Variants in RAB1A observed in about 807,000 individuals in gnomAD.
The protein encoded by RAB1A is RAB1A, member RAS oncogene family, also known as ras-related protein Rab-1A.
Under a neutral mutation model 26.0 loss-of-function variants are expected in RAB1A, and 2 were observed. The observed-to-expected ratio is 0.08, with a 90% CI of 0.03 to 0.24. The LOEUF (loss-of-function observed/expected upper bound fraction) is 0.24, where lower values mean the gene tolerates loss of function less well. Among genes scored for constraint, RAB1A ranks in the 10% least tolerant of loss-of-function variants. The pLI, the probability that RAB1A is intolerant of heterozygous loss-of-function variation, is 1.00. For missense variants in RAB1A, 100 were observed against 247.0 expected, an observed-to-expected ratio of 0.40 and a Z score of 3.99; for synonymous variants, 84 against 84.9, an observed-to-expected ratio of 0.99 and a Z score of 0.06.
chr2:65,128,695 G>A (rs1375312965), intron 1 of RAB1A, among the ~76,000 whole-genome samples: 1 of 152,194 alleles, frequency 6.6e-6, no homozygotes, highest in Non-Finnish European at 1.5e-5. Flanking sequence ...ATGTCTAGCA[G>A]TAATTGACCA....
intron 1 of RAB1A, among the ~76,000 whole-genome samples, chr2:65,126,806 T>C (rs773856670): frequency 6.6e-6 from 1 of 152,242 alleles, no homozygotes; most frequent in Non-Finnish European, 1.5e-5. Context: ...AATGAGCTTG[T>C]ATTTGCGTGA....
At chr2:65,102,642 AAATGTCCAGGTGC>A (rs1394145574) in intron 2 of RAB1A, among the ~76,000 whole-genome samples, 1 of 151,710 alleles carries the variant, frequency 6.6e-6, no homozygotes, top group Non-Finnish European at 1.5e-5. Flanking sequence ...AAAAAAAAAA[AAATGTCCAGGTGC>A]AGTAGTTCAC....
intron 1 of RAB1A, among the ~76,000 whole-genome samples, chr2:65,117,390 G>T (rs940521499): frequency 2.6e-5 from 4 of 151,882 alleles, no homozygotes; most frequent in African/African-American, 9.7e-5. Flanking sequence ...GCAGAAAGGG[G>T]ATCTTACTAG....
intron 3 of RAB1A, among the ~76,000 whole-genome samples, chr2:65,094,264 C>G (rs546233474): frequency 2.0e-4 from 30 of 152,212 alleles, no homozygotes; most frequent in African/African-American, 7.2e-4. Flanking sequence ...ACAACTGCAC[C>G]TGGCCAAGGC....
intron 1 of RAB1A, among the ~76,000 whole-genome samples, chr2:65,124,063 G>A (rs1415080483): frequency 3.3e-5 from 5 of 150,854 alleles, no homozygotes; most frequent in East Asian, 2.0e-4. Flanking sequence ...CTTGGCTCAC[G>A]GCAACCTCTT....
intron 3 of RAB1A, among the ~76,000 whole-genome samples, chr2:65,096,946 T>C (rs568723808): frequency 1.3e-5 from 2 of 152,342 alleles, no homozygotes; most frequent in African/African-American, 4.8e-5. Flanking sequence ...AACTAGCTTA[T>C]AAATTAGTAA....
At chr2:65,116,118 C>T (rs1268571549) in intron 1 of RAB1A, among the ~76,000 whole-genome samples, 1 of 152,002 alleles carries the variant, frequency 6.6e-6, no homozygotes, top group East Asian at 1.9e-4. Context: ...TATCACGCCA[C>T]TGCACTCCAG....
At chr2:65,091,212 T>C (rs1248400597) in intron 3 of RAB1A, 134 bp from the exon 4 acceptor site, 5 of 634,842 alleles carry the variant, frequency 7.9e-6, no homozygotes, top group South Asian at 4.3e-5. Flanking sequence ...ACATTAGTCC[T>C]CAACTCATAC....
intron 3 of RAB1A, among the ~76,000 whole-genome samples, chr2:65,094,590 A>G (rs942886742): frequency 1.3e-5 from 2 of 151,804 alleles, no homozygotes; most frequent in African/African-American, 2.4e-5. Context: ...GTCTCAAAAA[A>G]AAAAAAAAAG....
chr2:65,090,154 A>G lies in RAB1A; in HGVS notation c.288+829T>C, dbSNP rs77256479. ...TTTAAAAATATTTCACGGTAATAGT[A>G]GAGATTTTTTAAACTAGCATCATTT... On this transcript the variant is annotated intron_variant, in intron 4 of 5. Coordinates refer to ENST00000409784, the MANE Select transcript of RAB1A (RefSeq NM_004161.5). Among the ~76,000 whole-genome samples the G allele has an allele frequency of 5.3e-5, 8 of 152,348 alleles. No individual in the cohort carries two copies. In the East Asian group the frequency reaches 1.5e-3, roughly 29 times the overall value.
intron 1 of RAB1A, among the ~76,000 whole-genome samples, chr2:65,123,724 G>A (rs1254797965): frequency 2.6e-5 from 4 of 151,864 alleles, no homozygotes; most frequent in Non-Finnish European, 5.9e-5. Context: ...TACTTGAGAG[G>A]CTGAGGTGGA....
chr2:65,114,560 G>T (rs1169017670), intron 1 of RAB1A, among the ~76,000 whole-genome samples: 1 of 152,134 alleles, frequency 6.6e-6, no homozygotes, highest in Non-Finnish European at 1.5e-5. Flanking sequence ...CAGTTTAAGG[G>T]GGGCCGGGCG....
rs111594103 is a variant in RAB1A at position 65,116,265 on chromosome 2, G to A, written c.24-11459C>T. On this transcript the variant is annotated intron_variant, in intron 1 of 5. Coordinates refer to ENST00000409784, the MANE Select transcript of RAB1A (RefSeq NM_004161.5). Reference sequence around the variant, plus strand: ...CAGCAAGTGACACAAGATGACAAAAGGGTAGACAGTCTTTAATATGCATAC... The same window carrying A: ...CAGCAAGTGACACAAGATGACAAAAAGGTAGACAGTCTTTAATATGCATAC... Among the ~76,000 whole-genome samples, 561 of 152,292 alleles carry A rather than the reference G, an allele frequency of 3.7e-3. 2 individuals are homozygous for A. Among genetic ancestry groups the A allele is most frequent in the African/African-American group, 0.013 (533 of 41,580 alleles).
intron 1 of RAB1A, among the ~76,000 whole-genome samples, chr2:65,125,622 A>T (rs976977267): frequency 6.6e-6 from 1 of 151,484 alleles, no homozygotes; most frequent in Non-Finnish European, 1.5e-5. Context: ...GTGTCTCATC[A>T]TGTTGGCCAG....
At chr2:65,108,368 A>G (rs113550217) in intron 1 of RAB1A, among the ~76,000 whole-genome samples, 5 of 144,038 alleles carry the variant, frequency 3.5e-5, no homozygotes, top group South Asian at 4.3e-4. Flanking sequence ...AAAAAAAAAA[A>G]AAAGAAAGAA....
intron 3 of RAB1A, among the ~76,000 whole-genome samples, chr2:65,093,734 T>G (rs1043404930): frequency 1.3e-5 from 2 of 150,726 alleles, no homozygotes; most frequent in African/African-American, 4.9e-5. Context: ...GTGATTCCCC[T>G]GTCTCAGCCT....
chr2:65,118,981 G>A (rs1369317544), intron 1 of RAB1A, among the ~76,000 whole-genome samples: 1 of 151,704 alleles, frequency 6.6e-6, no homozygotes, highest in East Asian at 1.9e-4. Flanking sequence ...TTGAGCTCAG[G>A]AGTTCAAAAC....
intron 1 of RAB1A, among the ~76,000 whole-genome samples, chr2:65,113,825 C>T (rs1294601868): frequency 1.3e-5 from 2 of 152,304 alleles, no homozygotes; most frequent in South Asian, 4.1e-4. Flanking sequence ...CTCATCTCAG[C>T]ACTCTGAGAG....
At chr2:65,120,318 G>C (rs145317245) in intron 1 of RAB1A, among the ~76,000 whole-genome samples, 1 of 151,868 alleles carries the variant, frequency 6.6e-6, no homozygotes, top group Non-Finnish European at 1.5e-5. Flanking sequence ...TTAGCTGGGC[G>C]TGGTGGCGCA....
Sources: gnomAD v4.1 joint callset for allele counts (sites outside exome capture counted in the v4.1 genomes callset) on GRCh38, gnomAD v4.1.1 for gene constraint, MANE v1.5 for transcripts, NCBI Gene and HGNC (gene_info 2026-07-23, HGNC 2026-07-21) for gene names.